Variants in DST observed in about 807,000 individuals in gnomAD.
The protein encoded by DST is bullous pemphigoid antigen.
DST carries 253 observed loss-of-function variants against 875.2 expected under a neutral mutation model. The observed-to-expected ratio is 0.29, with a 90% CI of 0.26 to 0.32. The LOEUF is 0.32. DST is among the 10% of genes least tolerant of loss of function. DST has a pLI of 1.00. For missense variants in DST, 8,287 were observed against 9,111.6 expected (o/e 0.91, Z 3.68); for synonymous variants, 3,124 against 3,197.1 (o/e 0.98, Z 0.77).
intron 3 of DST, among the ~76,000 whole-genome samples, chr6:56,870,354 C>G (rs931125181): frequency 6.6e-6 from 1 of 150,532 alleles, no homozygotes; most frequent in Non-Finnish European, 1.5e-5. Flanking sequence ...GGCACTCGAG[C>G]CAGCAAAGGC....
At chr6:56,653,739 G>A (rs2098988958) in intron 10 of DST, among the ~76,000 whole-genome samples, 1 of 152,016 alleles carries the variant, frequency 6.6e-6, no homozygotes, top group Non-Finnish European at 1.5e-5. Flanking sequence ...AATTTAAAAT[G>A]CTATTCCTCC....
In DST at chr6:56,605,762, G is replaced by C. The variant is rs573971008; in HGVS notation, c.8866C>G (p.Leu2956Val). The change falls in exon 40 of 104, where the codon CTA becomes GTA. Residue 2956 changes from leucine (L) to valine (V), a missense_variant. Around this residue, in one of 10 missense-constraint regions of DST, gnomAD observed 3,138 missense variants for 3,116.6 expected, o/e 1.01. Coordinates refer to ENST00000680361, the MANE Select transcript of DST (RefSeq NM_001374736.1). ...ATCAACTTAACCTTTGTGTTTGCTA[G>C]ATCAGTACCTAATTCAGAAGTTGAA... ...ISSTSELGTDLANTKVKLIQG... is the reference protein window; with the variant it reads ...ISSTSELGTDVANTKVKLIQG... The C allele has an allele frequency of 5.6e-6, 9 of 1,612,686 alleles. No individual in the cohort carries two copies. The highest frequency in any genetic ancestry group is 6.8e-6 in the Non-Finnish European group (8 of 1,179,262).
intron 49 of DST, among the ~76,000 whole-genome samples, chr6:56,583,385 A>T (rs2152656514): frequency 6.6e-6 from 1 of 152,258 alleles, no homozygotes; most frequent in African/African-American, 2.4e-5. Context: ...TTGGCTGCAT[A>T]AATGTCTTCT....
chr6:56,491,700 C>T (rs1045373001), intron 85 of DST, among the ~76,000 whole-genome samples: 2 of 152,136 alleles, frequency 1.3e-5, no homozygotes, highest in Non-Finnish European at 2.9e-5. Context: ...AAATGAAGGT[C>T]TGTCAACAAG....
chr6:56,473,971 G>A lies in DST; in HGVS notation c.21896C>T (p.Pro7299Leu). 2 of 1,581,240 alleles carry A rather than the reference G, an allele frequency of 1.3e-6. No individual in the cohort carries two copies. The highest frequency in any genetic ancestry group is 1.7e-6 in the Non-Finnish European group (2 of 1,161,346). ...TFMEEMTRKQPDVDKVTKTYK... is the reference protein window; with the variant it reads ...TFMEEMTRKQLDVDKVTKTYK... The stretch of plus-strand genomic sequence containing the variant: ...GGTCTTCGTTACTTTATCAACATCA[G>A]GCTGTTTTCTGGTCATTTCCTCCAT... The change falls in exon 93 of 104, where the codon CCT becomes CTT. Residue 7299 changes from proline to leucine, a missense_variant. Around this residue, in one of 10 missense-constraint regions of DST, gnomAD observed 1,292 missense variants for 1,552.7 expected, o/e 0.83. Coordinates refer to ENST00000680361, the MANE Select transcript of DST (RefSeq NM_001374736.1).
chr6:56,558,859 C>T (rs1437839897), intron 58 of DST, among the ~76,000 whole-genome samples: 1 of 152,104 alleles, frequency 6.6e-6, no homozygotes, highest in African/African-American at 2.4e-5. Context: ...GCTATACCTC[C>T]TCTCTATATA....
intron 49 of DST, among the ~76,000 whole-genome samples, chr6:56,587,566 C>T (rs941260293): frequency 6.6e-6 from 1 of 152,042 alleles, no homozygotes; most frequent in African/African-American, 2.4e-5. Flanking sequence ...GAGAATGCCA[C>T]AAAGATACTC....
intron 49 of DST, among the ~76,000 whole-genome samples, chr6:56,589,417 T>C (rs971580644): frequency 2.0e-5 from 3 of 152,234 alleles, no homozygotes; most frequent in Non-Finnish European, 2.9e-5. Flanking sequence ...AATTACAGTA[T>C]TCAAATGGGT....
At chr6:56,946,523 C>T (rs1339981608) in intron 2 of DST, among the ~76,000 whole-genome samples, 1 of 152,078 alleles carries the variant, frequency 6.6e-6, no homozygotes, top group East Asian at 1.9e-4. Context: ...AAGGAGCCAG[C>T]AGAGAAGGAG....
At chr6:56,778,809 G>C (rs964495163) in intron 4 of DST, among the ~76,000 whole-genome samples, 1 of 151,930 alleles carries the variant, frequency 6.6e-6, no homozygotes, top group Admixed American at 6.6e-5. Context: ...TTGGTTCCAA[G>C]TCTTTGCTGT....
intron 49 of DST, among the ~76,000 whole-genome samples, chr6:56,591,621 T>G (rs1282348988): frequency 6.6e-6 from 1 of 152,094 alleles, no homozygotes; most frequent in East Asian, 1.9e-4. Context: ...TACTGAGTTT[T>G]GTTTGGGGAT....
intron 22 of DST, among the ~76,000 whole-genome samples, chr6:56,638,422 A>G (rs1166154385): frequency 1.3e-5 from 2 of 152,124 alleles, no homozygotes; most frequent in African/African-American, 4.8e-5. Context: ...GAATTGTACT[A>G]ATCTTTTGAG....
rs181181473 is a variant in DST at position 56,811,925 on chromosome 6, T to C, written c.625+39472A>G. ...GCCTGGCCAATATGGTGAAACCCCA[T>C]CTCTACTAAAAATACGAAAAAAAAA... is the stretch of plus-strand genomic sequence containing the variant. On this transcript the variant is annotated intron_variant, in intron 4 of 103. Coordinates refer to ENST00000680361, the MANE Select transcript of DST (RefSeq NM_001374736.1). 4.3e-3 allele frequency among the ~76,000 whole-genome samples: 654 copies of C among 151,232 alleles called. 3 individuals carry two copies. Among genetic ancestry groups the C allele is most frequent in the African/African-American group, 0.015 (628 of 41,154 alleles).
intron 5 of DST, chr6:56,734,988 G>A (rs2099517754): frequency 5.2e-6 from 2 of 387,726 alleles, no homozygotes; most frequent in East Asian, 5.0e-5. Context: ...ATAGTAACAG[G>A]TTTTACTAAC....
At chr6:56,486,954 A>C (rs1289025167) in intron 87 of DST, 150 bp downstream of exon 87, 1 of 574,636 alleles carries the variant, frequency 1.7e-6, no homozygotes, top group Non-Finnish European at 2.9e-6. Context: ...TCTCAATGCA[A>C]GTGCTATGTG....
At chr6:56,684,327 CTG>C (rs1563664741) in intron 9 of DST, among the ~76,000 whole-genome samples, 5 of 152,094 alleles carry the variant, frequency 3.3e-5, no homozygotes, top group Admixed American at 1.3e-4. Flanking sequence ...TTTTAAATAA[CTG>C]TATAATTTAA....
Position 56,536,788 on chromosome 6 carries a change from G to C in DST, c.16761C>G (p.Leu5587=), listed in dbSNP as rs376441315. ...LDDVNARWKT[L]NKKVAQRAAQ... ...GGGGTGAGAAAATTACCTTCTTATT[G>C]AGAGTCTTCCACCGTGCATTGACAT... The change falls in exon 62 of 104, where the codon CTC becomes CTG. Residue 5587 remains leucine, a synonymous_variant. Coordinates refer to ENST00000680361, the MANE Select transcript of DST (RefSeq NM_001374736.1). 3 of 1,551,748 alleles carry C rather than the reference G, an allele frequency of 1.9e-6. No homozygotes were observed. Among genetic ancestry groups the C allele is most frequent in the Non-Finnish European group, 2.6e-6 (3 of 1,147,220 alleles).
chr6:56,526,491 A>G lies in DST; in HGVS notation c.17999T>C (p.Leu6000Pro). 4 of 1,613,878 alleles carry G rather than the reference A, an allele frequency of 2.5e-6. No individual in the cohort carries two copies. Among genetic ancestry groups the G allele is most frequent in the Non-Finnish European group, 3.4e-6 (4 of 1,179,806 alleles). The change falls in exon 69 of 104, where the codon CTG becomes CCG. Residue 6000 changes from leucine to proline, a missense_variant. Transcript: ENST00000680361. ...TCCTTCTCTTGCCCTCCATGGTACCAGTTCCAGCAAAGCACTGCTCACTTC... is the reference window on the plus strand; with the variant it reads ...TCCTTCTCTTGCCCTCCATGGTACCGGTTCCAGCAAAGCACTGCTCACTTC... ...LNEVSSALLE[L>P]VPWRAREGLE... is the part of the protein sequence containing the mutation.
chr6:56,498,858 ATTCAGTTG>A lies in DST; in HGVS notation c.19897-813_19897-806del, dbSNP rs375287305. ...AGATACTTAAACCCAGTATTCCAAAATTCAGTTGTTCTTCAAGTAGAAAACATATATAA... is the reference window on the plus strand; with the variant it reads ...AGATACTTAAACCCAGTATTCCAAAATTCTTCAAGTAGAAAACATATATAA... On this transcript the variant is annotated intron_variant, in intron 80 of 103. Coordinates refer to ENST00000680361, the MANE Select transcript of DST (RefSeq NM_001374736.1). Among the ~76,000 whole-genome samples the A allele has an allele frequency of 2.2e-3, 341 of 152,246 alleles. 2 individuals are homozygous for A. The highest frequency in any genetic ancestry group is 8.0e-3 in the African/African-American group (333 of 41,562).
Sources: gnomAD v4.1 joint callset for allele counts (sites outside exome capture counted in the v4.1 genomes callset) on GRCh38, gnomAD v4.1.1 for gene constraint, gnomAD v4.1.1 regional missense constraint, MANE v1.5 for transcripts, NCBI Gene and HGNC (gene_info 2026-07-23, HGNC 2026-07-21) for gene names.